The following BLTP3A variants were observed in gnomAD, a reference collection of about 807,000 sequenced individuals.
BLTP3A encodes ICBP90 binding protein 1.
chr6:34,848,822 T>C, the BLTP3A span, among the ~76,000 whole-genome samples: 2 of 152,062 alleles, frequency 1.3e-5, no homozygotes, highest in East Asian at 3.9e-4. Flanking sequence ...TTCAACATTA[T>C]TATTGATAAG....
chr6:34,860,104 A>G, the BLTP3A span, among the ~76,000 whole-genome samples: 1 of 152,190 alleles, frequency 6.6e-6, no homozygotes, highest in African/African-American at 2.4e-5. Flanking sequence ...ATGAGCTCAT[A>G]GATATCCTAT....
chr6:34,852,377 G>A, the BLTP3A span, among the ~76,000 whole-genome samples: 2 of 152,278 alleles, frequency 1.3e-5, no homozygotes, highest in East Asian at 1.9e-4. Flanking sequence ...TCCCTTCAAG[G>A]CAGTGGGTTC....
the BLTP3A span, among the ~76,000 whole-genome samples, chr6:34,818,762 T>C: frequency 6.6e-6 from 1 of 152,194 alleles, no homozygotes. Context: ...TATCATACGG[T>C]ATTGTTTTGC....
the BLTP3A span, among the ~76,000 whole-genome samples, chr6:34,817,257 G>A: frequency 6.6e-5 from 10 of 152,100 alleles, no homozygotes; most frequent in African/African-American, 1.2e-4. Context: ...ATTTCTTTCC[G>A]GAAGAGAAAT....
At chr6:34,827,144 C>G in the BLTP3A span, among the ~76,000 whole-genome samples, 1 of 152,042 alleles carries the variant, frequency 6.6e-6, no homozygotes, top group Non-Finnish European at 1.5e-5. Context: ...AACCCCATCT[C>G]TACTAAAATA....
At chr6:34,800,069 ATT>A in the BLTP3A span, among the ~76,000 whole-genome samples, 1 of 151,834 alleles carries the variant, frequency 6.6e-6, no homozygotes, top group Admixed American at 6.6e-5. Flanking sequence ...AGTTGTTCCT[ATT>A]TATCTTTTTT....
At chr6:34,809,291 G>C in the BLTP3A span, among the ~76,000 whole-genome samples, 1 of 152,126 alleles carries the variant, frequency 6.6e-6, no homozygotes. Context: ...TACTCAGGAG[G>C]CTGAGGCAGG....
At chr6:34,858,432 T>C in the BLTP3A span, 232 of 1,614,154 alleles carry the variant, frequency 1.4e-4, 1 homozygote, top group East Asian at 3.6e-3. Flanking sequence ...CTTCCTGGGA[T>C]CTCTGGTCTG....
the BLTP3A span, among the ~76,000 whole-genome samples, chr6:34,794,072 A>C: frequency 9.9e-5 from 15 of 152,030 alleles, no homozygotes; most frequent in South Asian, 1.4e-3. Context: ...AGGCAGGAGG[A>C]TCGCTTCAGC....
the BLTP3A span, among the ~76,000 whole-genome samples, chr6:34,804,504 G>T: frequency 5.3e-5 from 8 of 152,242 alleles, 2 homozygotes; most frequent in African/African-American, 1.9e-4. Context: ...GGCACAGATG[G>T]GAAGAAAGGT....
chr6:34,856,244 A>T, the BLTP3A span: 1 of 1,612,994 alleles, frequency 6.2e-7, no homozygotes, highest in Non-Finnish European at 8.5e-7. Context: ...CACAGGTGAT[A>T]GCTGCAAACA....
At chr6:34,845,283 G>A in the BLTP3A span, among the ~76,000 whole-genome samples, 2 of 152,154 alleles carry the variant, frequency 1.3e-5, no homozygotes, top group African/African-American at 2.4e-5. Flanking sequence ...GTCAGGTAAC[G>A]TGATTCCTCC....
At chr6:34,801,414 G>C in the BLTP3A span, among the ~76,000 whole-genome samples, 1,164 of 152,122 alleles carry the variant, frequency 7.7e-3, 21 homozygotes, top group African/African-American at 0.026. Context: ...GGGGAGAGGG[G>C]GGAAAAGTAT....
chr6:34,847,139 T>G, the BLTP3A span, among the ~76,000 whole-genome samples: 2 of 152,218 alleles, frequency 1.3e-5, no homozygotes, highest in Non-Finnish European at 2.9e-5. Context: ...GTCTCTTTAA[T>G]GTGTGGTTGA....
chr6:34,867,199 A>G, the BLTP3A span: 1 of 1,580,090 alleles, frequency 6.3e-7, no homozygotes, highest in Non-Finnish European at 8.6e-7. Flanking sequence ...TGACTTTTAA[A>G]TTCATTTGTC....
the BLTP3A span, chr6:34,834,371 C>T: frequency 2.0e-5 from 33 of 1,613,592 alleles, 1 homozygote; most frequent in South Asian, 3.3e-5. Context: ...GAGTGACCTT[C>T]GCCTTACCCG....
chr6:34,822,292 C>T, the BLTP3A span, among the ~76,000 whole-genome samples: 7 of 145,742 alleles, frequency 4.8e-5, no homozygotes, highest in Non-Finnish European at 1.0e-4. Context: ...TTGCTCTTGT[C>T]ACTAAGGCTG....
the BLTP3A span, among the ~76,000 whole-genome samples, chr6:34,814,557 C>G: frequency 4.6e-5 from 7 of 152,286 alleles, no homozygotes; most frequent in South Asian, 1.2e-3. Context: ...CCTTCGAGTG[C>G]TTGAAGAACT....
At chr6:34,805,489 A>T in the BLTP3A span, among the ~76,000 whole-genome samples, 1 of 151,192 alleles carries the variant, frequency 6.6e-6, no homozygotes, top group African/African-American at 2.4e-5. Context: ...GCTACTTGGG[A>T]GGCTGAGGCA....
Sources: gnomAD v4.1 joint callset for allele counts (sites outside exome capture counted in the v4.1 genomes callset) on GRCh38, gnomAD v4.1.1 for gene constraint, MANE v1.5 for transcripts, NCBI Gene and HGNC (gene_info 2026-07-23, HGNC 2026-07-21) for gene names.